The following ARHGEF9 variants were observed in gnomAD, a reference collection of about 807,000 sequenced individuals.
The protein encoded by ARHGEF9 is rho guanine nucleotide exchange factor 9.
In ARHGEF9, 2 loss-of-function variants were observed where a neutral mutation model predicts 41.3. The observed-to-expected ratio is 0.05, with a 90% CI of 0.02 to 0.15. The LOEUF (loss-of-function observed/expected upper bound fraction) is 0.15. Ranked by LOEUF, ARHGEF9 falls within the 10% of genes least tolerant of loss-of-function variation. The pLI is 1.00. For missense variants in ARHGEF9, 225 were observed against 424.7 expected (o/e 0.53, Z 4.13); for synonymous variants, 160 against 154.4 (o/e 1.04, Z -0.27).
chrX:63,768,770 C>T (rs1556452992), intron 1 of ARHGEF9, among the ~76,000 whole-genome samples: 2 of 111,604 alleles, frequency 1.8e-5, no homozygotes, highest in Admixed American at 1.9e-4. Flanking sequence ...TGGCATTTCC[C>T]CTGCTGGTAC....
chrX:63,747,698 T>C (rs2055356480), intron 1 of ARHGEF9, among the ~76,000 whole-genome samples: 1 of 112,630 alleles, frequency 8.9e-6, no homozygotes, highest in African/African-American at 3.2e-5. Context: ...GTGATTCCGA[T>C]GTGCAGCCAG....
At chrX:63,746,396 C>A (rs2055275864) in intron 1 of ARHGEF9, among the ~76,000 whole-genome samples, 1 of 111,888 alleles carries the variant, frequency 8.9e-6, no homozygotes, top group African/African-American at 3.3e-5. Flanking sequence ...CTGAATACTG[C>A]TCTATGTCAG....
chrX:63,693,399 C>A (rs1362171017), intron 4 of ARHGEF9, among the ~76,000 whole-genome samples: 3 of 110,391 alleles, frequency 2.7e-5, no homozygotes, highest in Non-Finnish European at 5.7e-5. Context: ...ATCACGAGGT[C>A]AGGAGTTCCA....
chrX:63,709,102 C>T (rs2147523822), intron 2 of ARHGEF9: 1 of 112,213 alleles, frequency 8.9e-6, no homozygotes, highest in South Asian at 3.8e-4. Flanking sequence ...CCATTATCAA[C>T]CCTGCCCAAC....
intron 5 of ARHGEF9, among the ~76,000 whole-genome samples, chrX:63,676,466 A>G (rs2050267417): frequency 1.8e-5 from 2 of 112,014 alleles, no homozygotes; most frequent in Admixed American, 1.9e-4. Flanking sequence ...CTTAGACCCA[A>G]TGGAAACACT....
chrX:63,635,652 G>A lies in ARHGEF9; in HGVS notation c.*2376C>T, dbSNP rs1438033254. On this transcript the variant is annotated 3_prime_UTR_variant, in exon 10 of 10. Coordinates refer to ENST00000671741, the MANE Select transcript of ARHGEF9 (RefSeq NM_001353921.2). ...GTGGGTTCAGTAGAGGAGAAGTGCG[G>A]GTTGAGAAGTAATATCCCTGATCCT... 3.1e-6 allele frequency: 1 copy of A among 326,452 alleles called. No homozygotes were observed. The highest frequency in any genetic ancestry group is 2.7e-5 in the African/African-American group (1 of 36,436). The allele number at this position is 326,452 out of a possible 1,213,427, so 26.9% of individuals were successfully genotyped here.
chrX:63,739,872 C>T (rs1243468756), intron 1 of ARHGEF9, among the ~76,000 whole-genome samples: 1 of 112,273 alleles, frequency 8.9e-6, no homozygotes, highest in Non-Finnish European at 1.9e-5. Context: ...TGAGAGACTA[C>T]AGTTAAGCCC....
intron 3 of ARHGEF9, chrX:63,701,537 G>A (rs782642805): frequency 1.8e-5 from 2 of 112,014 alleles, no homozygotes; most frequent in Non-Finnish European, 1.9e-5. Flanking sequence ...ATGCTAATTA[G>A]TTCTTCCCAT....
intron 1 of ARHGEF9, among the ~76,000 whole-genome samples, chrX:63,756,928 GAAAA>G (rs200492405): frequency 9.0e-6 from 1 of 110,597 alleles, no homozygotes; most frequent in Non-Finnish European, 1.9e-5. Context: ...TTGTGAATAG[GAAAA>G]AAAACAACCA....
At chrX:63,758,294 C>G in intron 1 of ARHGEF9, among the ~76,000 whole-genome samples, 1 of 111,046 alleles carries the variant, frequency 9.0e-6, no homozygotes, top group East Asian at 2.8e-4. Flanking sequence ...GAGCAGCTAC[C>G]CTGACACTGT....
Position 63,674,294 on chromosome X carries a change from C to A in ARHGEF9, c.816-127G>T, listed in dbSNP as rs781791954. The stretch of plus-strand genomic sequence containing the variant: ...CAGAGTCCTGATTTTCAGATGGGAA[C>A]CCACACCACCTAAAGACTACATTTT... On this transcript the variant is annotated intron_variant, in intron 5 of 9. Coordinates refer to ENST00000671741, the MANE Select transcript of ARHGEF9 (RefSeq NM_001353921.2). The A allele has an allele frequency of 3.5e-5, 25 of 718,851 alleles. No individual in the cohort carries two copies. In the African/African-American group the frequency reaches 4.9e-4, roughly 14 times the overall value. 59.2% of individuals were successfully genotyped at this position (718,851 alleles called of 1,213,427 possible). A position where few individuals can be genotyped will look rare whatever the true frequency, so the allele number is the denominator to read the frequency against.
chrX:63,643,943 C>T (rs2047822623), intron 9 of ARHGEF9, 37 bp downstream of exon 9: 13 of 1,180,095 alleles, frequency 1.1e-5, no homozygotes, highest in Non-Finnish European at 1.5e-5. Context: ...CTTATGATTC[C>T]ATAGTCTTTC....
chrX:63,765,387 T>TA (rs1398403030), intron 1 of ARHGEF9, among the ~76,000 whole-genome samples: 5 of 107,490 alleles, frequency 4.7e-5, no homozygotes, highest in African/African-American at 1.4e-4. Flanking sequence ...TTAACAAGGA[T>TA]AAAAAAAATT....
intron 1 of ARHGEF9, among the ~76,000 whole-genome samples, chrX:63,762,543 A>T (rs1461328215): frequency 9.0e-6 from 1 of 111,107 alleles, no homozygotes; most frequent in Non-Finnish European, 1.9e-5. Flanking sequence ...TAAAGAAGAG[A>T]AGAGTGCAGG....
chrX:63,649,496 T>C (rs2048385063), intron 8 of ARHGEF9, among the ~76,000 whole-genome samples: 1 of 111,473 alleles, frequency 9.0e-6, no homozygotes, highest in Non-Finnish European at 1.9e-5. Flanking sequence ...AGGAAAGATC[T>C]TAAATTGACA....
At chrX:63,725,207 C>A (rs1195779430) in intron 1 of ARHGEF9, among the ~76,000 whole-genome samples, 1 of 110,583 alleles carries the variant, frequency 9.0e-6, no homozygotes, top group Non-Finnish European at 1.9e-5. Context: ...CCTGGGGTAA[C>A]AGACCATAAC....
At chrX:63,772,090 A>G (rs2056215126) in intron 1 of ARHGEF9, among the ~76,000 whole-genome samples, 1 of 111,907 alleles carries the variant, frequency 8.9e-6, no homozygotes, top group African/African-American at 3.3e-5. Context: ...GTTTCTCTGG[A>G]GAACCCTCAC....
chrX:63,676,960 A>C (rs782636588), intron 5 of ARHGEF9, among the ~76,000 whole-genome samples: 20 of 112,121 alleles, frequency 1.8e-4, no homozygotes, highest in Non-Finnish European at 3.8e-4. Context: ...TCCTGGCATG[A>C]CAATGTTCAT....
intron 9 of ARHGEF9, chrX:63,641,539 C>G (rs2047633323): frequency 1.8e-5 from 2 of 111,297 alleles, no homozygotes; most frequent in Admixed American, 9.5e-5. Flanking sequence ...GACCAAAATG[C>G]TTGGCATGAG....
Sources: gnomAD v4.1 joint callset for allele counts (sites outside exome capture counted in the v4.1 genomes callset) on GRCh38, gnomAD v4.1.1 for gene constraint, MANE v1.5 for transcripts, NCBI Gene and HGNC (gene_info 2026-07-23, HGNC 2026-07-21) for gene names.